Variants in WDFY3 observed in about 807,000 individuals in gnomAD.
The protein encoded by WDFY3 is WD repeat and FYVE domain containing 3, also known as WD repeat and FYVE domain-containing protein 3.
Under a neutral mutation model 409.6 loss-of-function variants are expected in WDFY3, and 66 were observed. The observed-to-expected ratio is 0.16, with a 90% confidence interval of 0.13 to 0.20. The LOEUF (loss-of-function observed/expected upper bound fraction) is 0.20, where lower values mean the gene tolerates loss of function less well. Ranked by LOEUF, WDFY3 falls within the 10% of genes least tolerant of loss-of-function variation. WDFY3 has a pLI of 1.00. For missense variants in WDFY3, 3,031 were observed against 4,298.1 expected (o/e 0.71, Z 8.24); for synonymous variants, 1,521 against 1,537.1 (o/e 0.99, Z 0.25).
chr4:84,714,942 T>G (rs1252664193), intron 50 of WDFY3, among the ~76,000 whole-genome samples: 1 of 140,612 alleles, frequency 7.1e-6, no homozygotes, highest in Non-Finnish European at 1.5e-5. Context: ...AGAACGAGAC[T>G]CCGTCTCAAA....
At chr4:84,786,510 C>T (rs1203555300) in intron 23 of WDFY3, among the ~76,000 whole-genome samples, 1 of 152,156 alleles carries the variant, frequency 6.6e-6, no homozygotes, top group Non-Finnish European at 1.5e-5. Context: ...TATGTCCCCT[C>T]CCCTAAAAAA....
chr4:84,833,766 G>A (rs561736846), intron 7 of WDFY3, among the ~76,000 whole-genome samples: 142 of 152,120 alleles, frequency 9.3e-4, no homozygotes, highest in Non-Finnish European at 1.6e-3. Context: ...ATAGAGAGAG[G>A]TAGCTGAAAT....
In WDFY3 at chr4:84,766,245, T is replaced by C; in HGVS notation, c.4970+7A>G. ...GGTATAATCACTTTTAAAAAAGATTTACTTACTGCAAATTAATGCTTGTCT... is the reference window on the plus strand; with the variant it reads ...GGTATAATCACTTTTAAAAAAGATTCACTTACTGCAAATTAATGCTTGTCT... On this transcript the variant is annotated splice_region_variant and intron_variant, in intron 31 of 67. Transcript: ENST00000295888. The C allele has an allele frequency of 1.3e-6, 2 of 1,572,622 alleles. No homozygotes were observed. Among genetic ancestry groups the C allele is most frequent in the Non-Finnish European group, 1.7e-6 (2 of 1,161,000 alleles).
intron 1 of WDFY3, among the ~76,000 whole-genome samples, chr4:84,947,804 T>G (rs1017993820): frequency 4.0e-5 from 6 of 151,516 alleles, no homozygotes; most frequent in African/African-American, 1.5e-4. Flanking sequence ...ACCACTTACT[T>G]GAGCCTGGAA....
At chr4:84,899,549 C>T (rs970862418) in intron 2 of WDFY3, among the ~76,000 whole-genome samples, 5 of 152,154 alleles carry the variant, frequency 3.3e-5, no homozygotes, top group African/African-American at 1.2e-4. Context: ...AAATTACAGC[C>T]ATGTACCAAA....
At chr4:84,743,586 G>C (rs1560643582) in intron 37 of WDFY3, 114 bp downstream of exon 37, 1 of 620,510 alleles carries the variant, frequency 1.6e-6, no homozygotes, top group East Asian at 3.6e-5. Flanking sequence ...TGTTGAGTAT[G>C]AGAAGCTAGA....
chr4:84,851,011 T>A (rs1048402082), intron 4 of WDFY3, among the ~76,000 whole-genome samples: 2 of 133,310 alleles, frequency 1.5e-5, no homozygotes, highest in Non-Finnish European at 3.1e-5. Flanking sequence ...GGTCTTGAAC[T>A]CCTGGGTTCA....
At chr4:84,775,492 G>A (rs967156929) in intron 27 of WDFY3, among the ~76,000 whole-genome samples, 2 of 151,442 alleles carry the variant, frequency 1.3e-5, no homozygotes, top group African/African-American at 2.4e-5. Context: ...TATACTGGAC[G>A]GCATTAATAG....
Position 84,679,077 on chromosome 4 carries a change from T to C in WDFY3, c.9989A>G (p.Asp3330Gly). 7.4e-6 allele frequency: 12 copies of C among 1,613,990 alleles called. No individual in the cohort carries two copies. Among genetic ancestry groups the C allele is most frequent in the Non-Finnish European group, 1.0e-5 (12 of 1,180,012 alleles). ...AAWCTDSGSD[D>G]SRRWSDQLSL... ...GAGCTGGTCGGACCAGCGTCTGGAG[T>C]CGTCAGAGCCACTGTCAGTACACCA... Residue 3330 changes from aspartate to glycine, a missense_variant, in exon 65 of 68, where the codon GAC (aspartate) becomes GGC (glycine). Transcript: ENST00000295888.
intron 10 of WDFY3, among the ~76,000 whole-genome samples, chr4:84,823,312 T>C (rs913840125): frequency 6.6e-6 from 1 of 152,108 alleles, no homozygotes. Context: ...TAGACCTTAA[T>C]TTAAAAGTTA....
chr4:84,807,254 A>G (rs985972823), intron 15 of WDFY3, among the ~76,000 whole-genome samples: 5 of 152,198 alleles, frequency 3.3e-5, no homozygotes, highest in Admixed American at 6.5e-5. Context: ...TTAAAAAAAG[A>G]AATTGCAGTT....
intron 51 of WDFY3, among the ~76,000 whole-genome samples, chr4:84,710,319 T>C (rs938278657): frequency 1.3e-5 from 2 of 152,198 alleles, no homozygotes; most frequent in Non-Finnish European, 2.9e-5. Flanking sequence ...AATATGAATA[T>C]TGTATAACAG....
At chr4:84,732,036 A>G (rs1450482948) in intron 44 of WDFY3, among the ~76,000 whole-genome samples, 1 of 152,194 alleles carries the variant, frequency 6.6e-6, no homozygotes, top group African/African-American at 2.4e-5. Context: ...TGCTCTTATA[A>G]AAGTAAGTGC....
At chr4:84,748,319 C>T (rs569823256) in intron 36 of WDFY3, among the ~76,000 whole-genome samples, 5 of 152,210 alleles carry the variant, frequency 3.3e-5, no homozygotes, top group African/African-American at 1.2e-4. Flanking sequence ...GAGAGGTTCA[C>T]TTTTATATCA....
chr4:84,891,073 A>G (rs1764885332), intron 3 of WDFY3, among the ~76,000 whole-genome samples: 2 of 152,218 alleles, frequency 1.3e-5, no homozygotes, highest in Non-Finnish European at 2.9e-5. Flanking sequence ...GATAGGCCAG[A>G]CTTTGCCCGC....
intron 49 of WDFY3, among the ~76,000 whole-genome samples, chr4:84,716,623 C>T (rs1486574178): frequency 6.6e-6 from 1 of 150,914 alleles, no homozygotes; most frequent in Non-Finnish European, 1.5e-5. Flanking sequence ...AAGGAAACCC[C>T]GTCTCTACTA....
intron 12 of WDFY3, among the ~76,000 whole-genome samples, chr4:84,819,343 A>G (rs1272271949): frequency 6.6e-6 from 1 of 152,028 alleles, no homozygotes; most frequent in Non-Finnish European, 1.5e-5. Context: ...GCATTTGGGC[A>G]TGGGGTTCAT....
At chr4:84,678,391 C>G (rs373913000) in intron 65 of WDFY3, 112 bp from the exon 66 acceptor site, 2 of 714,796 alleles carry the variant, frequency 2.8e-6, no homozygotes, top group South Asian at 3.5e-5. Context: ...CATACAGCTA[C>G]AGCAGCTTTT....
At position 84,831,502 on chromosome 4, in the gene WDFY3, T is replaced by C. The variant is rs541409072; in HGVS notation, c.680A>G (p.Tyr227Cys). The change falls in exon 8 of 68, where the codon TAT becomes TGT. Residue 227 changes from tyrosine (Y) to cysteine (C), a missense_variant. Tyr to Cys is a radical substitution (Grantham distance 194, BLOSUM62 -2). Around this residue, in one of 16 missense-constraint regions of WDFY3, gnomAD observed 1,322 missense variants for 1,697.9 expected, o/e 0.78. Transcript: ENST00000295888. ...AGCACTCTTTCTCCAAGGCAGGTTATAGGGAGGGCACCAAGAGGTTATTGC... is the reference window on the plus strand; with the variant it reads ...AGCACTCTTTCTCCAAGGCAGGTTACAGGGAGGGCACCAAGAGGTTATTGC... Reference protein sequence around the residue: ...FSAITSWCPPYNLPWRKSAGE... With the variant: ...FSAITSWCPPCNLPWRKSAGE... 6 of 1,614,050 alleles carry C rather than the reference T, an allele frequency of 3.7e-6. No individual in the cohort carries two copies. Among genetic ancestry groups the C allele is most frequent in the South Asian group, 2.2e-5 (2 of 91,074 alleles).
Sources: gnomAD v4.1 joint callset for allele counts (sites outside exome capture counted in the v4.1 genomes callset) on GRCh38, gnomAD v4.1.1 for gene constraint, gnomAD v4.1.1 regional missense constraint, MANE v1.5 for transcripts, NCBI Gene and HGNC (gene_info 2026-07-23, HGNC 2026-07-21) for gene names.